SYCP2: variants seen among roughly 807,000 people sequenced by gnomAD.
SYCP2 encodes the protein synaptonemal complex lateral element protein.
Under a neutral mutation model 211.3 loss-of-function variants are expected in SYCP2, and 55 were observed. That is an observed-to-expected ratio of 0.26 (90% CI 0.21 to 0.33). The LOEUF (loss-of-function observed/expected upper bound fraction) is 0.33, where lower values mean the gene tolerates loss of function less well. Among genes scored for constraint, SYCP2 ranks in the 10% least tolerant of loss-of-function variants. The probability of loss-of-function intolerance (pLI) is 1.00; values close to 1 mark genes in which losing one functional copy is unlikely to be tolerated. For synonymous variants in SYCP2, 570 were observed against 555.2 expected, an observed-to-expected ratio of 1.03 and a Z score of -0.37; for missense variants, 1,731 against 1,752.0, an observed-to-expected ratio of 0.99 and a Z score of 0.21.
intron 1 of SYCP2, chr20:59,933,134 G>C (rs1282267111): frequency 6.6e-6 from 1 of 152,476 alleles, no homozygotes; most frequent in Non-Finnish European, 1.5e-5. Context: ...CGTCGCCACC[G>C]CTTCTCCCGC....
At chr20:59,911,875 A>G (rs375597342) in intron 13 of SYCP2, 30 bp from the exon 14 acceptor site, 9 of 1,164,468 alleles carry the variant, frequency 7.7e-6, no homozygotes, top group African/African-American at 1.6e-5. Flanking sequence ...AAACTGGAAT[A>G]TACAATGATT....
At chr20:59,891,642 G>GA (rs561072337) in intron 24 of SYCP2, among the ~76,000 whole-genome samples, 147 of 148,968 alleles carry the variant, frequency 9.9e-4, no homozygotes, top group Non-Finnish European at 1.4e-3. Context: ...GTCAAAGAGA[G>GA]AAAAAAAAAC....
chr20:59,882,255 A>T (rs2059698065), intron 26 of SYCP2, 90 bp from the exon 27 acceptor site: 3 of 934,380 alleles, frequency 3.2e-6, no homozygotes, highest in Non-Finnish European at 5.0e-6. Flanking sequence ...CAAATCAAAA[A>T]ATGAGATGTC....
chr20:59,868,425 G>A lies in SYCP2; in HGVS notation c.3976C>T (p.His1326Tyr). 6.2e-7 allele frequency: 1 copy of A among 1,609,950 alleles called. No homozygotes were observed. ...CTGATCTACCTACTTTTGTGGATAT[G>A]ATGATCTGCATCTTCAATTTTACAC... ...KLCKIEDADH[H>Y]IHKMSESVSS... Residue 1326 changes from histidine to tyrosine, a missense_variant, in exon 38 of 45, where the codon CAT (histidine) becomes TAT (tyrosine). Transcript: ENST00000357552.
chr20:59,916,558 T>C lies in SYCP2; in HGVS notation c.441A>G (p.Val147=), dbSNP rs1331276218. The change falls in exon 8 of 45, where the codon GTA becomes GTG. Residue 147 remains valine (V), a synonymous_variant. Coordinates refer to ENST00000357552, the MANE Select transcript of SYCP2 (RefSeq NM_014258.4). ...AAATGCGAGGTACGAAACTTTCCAC[T>C]ACTTGTTTTTTACCTGAATAAAAGT... The part of the protein sequence containing the change: ...HDVSDEGKKQ[V]VESFVPRICS... The C allele has an allele frequency of 6.2e-7, 1 of 1,602,828 alleles. No individual in the cohort carries two copies. Among genetic ancestry groups the C allele is most frequent in the Non-Finnish European group, 8.5e-7 (1 of 1,169,874 alleles).
chr20:59,914,277 A>T (rs1202459861), intron 10 of SYCP2, 26 bp from the exon 11 acceptor site: 1 of 1,382,162 alleles, frequency 7.2e-7, no homozygotes, highest in Non-Finnish European at 9.9e-7. Context: ...TTAATGTTTG[A>T]TTTACAATTA....
At chr20:59,928,672 A>G (rs977937879) in intron 2 of SYCP2, among the ~76,000 whole-genome samples, 2 of 152,214 alleles carry the variant, frequency 1.3e-5, no homozygotes, top group Admixed American at 6.5e-5. Flanking sequence ...ATAAGCATAT[A>G]TTGGAAGTTC....
rs777368956 is a variant in SYCP2, at chr20:59,868,844, G to A, written c.3823C>T (p.His1275Tyr). Reference protein sequence around the residue: ...TWFDMPCDATHVSGPTQHLSR... With the variant: ...TWFDMPCDATYVSGPTQHLSR... ...GACTATGACTACAAACCTGATACATGAGTAGCATCACAGGGCATGTCAAAC... is the reference window on the plus strand; with the variant it reads ...GACTATGACTACAAACCTGATACATAAGTAGCATCACAGGGCATGTCAAAC... The change falls in exon 37 of 45, where the codon CAT (histidine) becomes TAT (tyrosine). Residue 1275 changes from histidine to tyrosine, a missense_variant. Physicochemically the swap from His to Tyr is moderately conservative, Grantham distance 83. Coordinates refer to ENST00000357552, the MANE Select transcript of SYCP2 (RefSeq NM_014258.4). 3 of 1,607,356 alleles carry A rather than the reference G, an allele frequency of 1.9e-6. No individual in the cohort carries two copies. Among genetic ancestry groups the A allele is most frequent in the South Asian group, 2.2e-5 (2 of 90,252 alleles).
Position 59,877,511 on chromosome 20 carries a change from C to T in SYCP2, c.3024G>A (p.Pro1008=), listed in dbSNP as rs61730343. ...NITKKMDKTI[P]EGRIRLPRKA... ...TTCGTGGAAGTCTGATTCTTCCTTCCGGAATTGTCTTGTCCATCTTTTTTG... is the reference window on the plus strand; with the variant it reads ...TTCGTGGAAGTCTGATTCTTCCTTCTGGAATTGTCTTGTCCATCTTTTTTG... The change falls in exon 33 of 45, where the codon CCG becomes CCA. Residue 1008 remains proline (P), a synonymous_variant. Coordinates refer to ENST00000357552, the MANE Select transcript of SYCP2 (RefSeq NM_014258.4). 0.011 allele frequency: 18,312 copies of T among 1,602,054 alleles called. 602 individuals carry two copies. The highest frequency in any genetic ancestry group is 0.11 in the African/African-American group (7,989 of 73,806).
At chr20:59,897,561 A>G (rs2060033648) in intron 18 of SYCP2, among the ~76,000 whole-genome samples, 1 of 152,200 alleles carries the variant, frequency 6.6e-6, no homozygotes, top group Non-Finnish European at 1.5e-5. Context: ...AAGAATCAGC[A>G]TTGTTAATAA....
intron 6 of SYCP2, 59 bp downstream of exon 6, chr20:59,919,434 A>G: frequency 2.3e-6 from 3 of 1,300,030 alleles, no homozygotes. Context: ...GAGAACACAA[A>G]TTGTTTTTTA....
In SYCP2 at chr20:59,921,451, C is replaced by A; in HGVS notation, c.27G>T (p.Gln9His). The change falls in exon 4 of 45, where the codon CAG (glutamine) becomes CAT (histidine). Residue 9 changes from glutamine to histidine, a missense_variant and splice_region_variant. By Grantham distance (24) the Gln-to-His change is conservative (BLOSUM62 0). This residue lies in a region of SYCP2 where 335 missense variants were observed against 378.8 expected (regional missense o/e 0.88). Coordinates refer to ENST00000357552, the MANE Select transcript of SYCP2 (RefSeq NM_014258.4). ...AAGCATCATCAATGCATTTTTCCAA[C>A]TGCTAGAGAAATATATTTAATGGCA... MPIRPDLQ[Q>H]LEKCIDDALR... is the part of the protein sequence containing the mutation. 1.3e-6 allele frequency: 2 copies of A among 1,597,862 alleles called. No individual in the cohort carries two copies. Among genetic ancestry groups the A allele is most frequent in the Non-Finnish European group, 1.7e-6 (2 of 1,170,954 alleles).
chr20:59,914,809 C>T (rs1429409852), intron 10 of SYCP2, among the ~76,000 whole-genome samples: 1 of 151,898 alleles, frequency 6.6e-6, no homozygotes, highest in Admixed American at 6.6e-5. Flanking sequence ...ACAAGTAGTT[C>T]AGGTCTACTG....
intron 26 of SYCP2, among the ~76,000 whole-genome samples, chr20:59,883,869 T>C (rs2059735020): frequency 6.6e-6 from 1 of 152,000 alleles, no homozygotes; most frequent in African/African-American, 2.4e-5. Flanking sequence ...CACCAACCTA[T>C]TATATTTGGG....
intron 18 of SYCP2, among the ~76,000 whole-genome samples, chr20:59,897,478 T>C (rs2060032139): frequency 1.3e-5 from 2 of 152,160 alleles, no homozygotes. Context: ...AACAGTAGTA[T>C]GGTGTTTTTC....
chr20:59,870,008 C>T, intron 35 of SYCP2, 25 bp from the exon 36 acceptor site: 1 of 1,476,210 alleles, frequency 6.8e-7, no homozygotes, highest in Non-Finnish European at 9.1e-7. Flanking sequence ...ATACAAAAAC[C>T]CAATAAGAAG....
At chr20:59,871,681 A>C (rs2059454573) in intron 35 of SYCP2, among the ~76,000 whole-genome samples, 1 of 151,994 alleles carries the variant, frequency 6.6e-6, no homozygotes, top group African/African-American at 2.4e-5. Context: ...CAAATCTGTG[A>C]TATAAAATGG....
In SYCP2 at chr20:59,881,458, C is replaced by T. The variant is rs542640837; in HGVS notation, c.2693G>A (p.Cys898Tyr). 2 of 1,541,820 alleles carry T rather than the reference C, an allele frequency of 1.3e-6. No homozygotes were observed. Among genetic ancestry groups the T allele is most frequent in the East Asian group, 4.8e-5 (2 of 42,018 alleles). ...CTACAATCTAATTGACCTATCCGCACAAGCTTCTTTAGCTGTAGCTTGAAA... is the reference window on the plus strand; with the variant it reads ...CTACAATCTAATTGACCTATCCGCATAAGCTTCTTTAGCTGTAGCTTGAAA... ...QEFQATAKEA[C>Y]ADRSIRLVGP... The change falls in exon 29 of 45, where the codon TGT becomes TAT. Residue 898 changes from cysteine (C) to tyrosine (Y), a missense_variant. Physicochemically the swap from Cys to Tyr is radical, Grantham distance 194. This residue lies in a region of SYCP2 where 1,387 missense variants were observed against 1,351.3 expected (regional missense o/e 1.03). Transcript: ENST00000357552.
intron 1 of SYCP2, among the ~76,000 whole-genome samples, chr20:59,932,788 C>T (rs2060786521): frequency 6.6e-6 from 1 of 152,308 alleles, no homozygotes; most frequent in East Asian, 1.9e-4. Flanking sequence ...ATTGAGCCGC[C>T]GCGGGACGCA....
Sources: allele counts gnomAD v4.1 joint callset (sites outside exome capture counted in the v4.1 genomes callset), GRCh38; gene constraint gnomAD v4.1.1; regional missense constraint gnomAD v4.1.1; transcripts MANE v1.5; gene names NCBI Gene and HGNC (gene_info 2026-07-23, HGNC 2026-07-21).